The following INTS11 variants were observed in gnomAD, a reference collection of about 807,000 sequenced individuals.
The protein encoded by INTS11 is CPSF3-like protein.
INTS11 carries 77 observed loss-of-function variants against 78.6 expected under a neutral mutation model. The observed-to-expected ratio is 0.98, with a 90% CI of 0.81 to 1.18. The LOEUF is 1.18. Ranked by LOEUF, INTS11 falls within the 50% of genes most tolerant of loss-of-function variation. The pLI is 0.00. For synonymous variants in INTS11, 441 were observed against 326.9 expected, an observed-to-expected ratio of 1.35 and a Z score of -3.77; for missense variants, 875 against 825.9, an observed-to-expected ratio of 1.06 and a Z score of -0.73.
intron 4 of INTS11, chr1:1,317,987 C>T (rs911395481): frequency 6.6e-6 from 1 of 152,100 alleles, no homozygotes; most frequent in Non-Finnish European, 1.5e-5. Context: ...TGCCTTTCAG[C>T]CTCCCGAGTA....
In INTS11 at chr1:1,312,709, CG is replaced by C; in HGVS notation, c.1295-10del. On this transcript the variant is annotated splice_polypyrimidine_tract_variant and intron_variant, in intron 12 of 16. Transcript: ENST00000435064. Reference sequence around the variant, plus strand: ...CATGTAGCAGTTGACCCCTGGACCCCGGGGGAAGAGAGAGCCTCAGCCCAGG... The same window carrying C: ...CATGTAGCAGTTGACCCCTGGACCCCGGGGAAGAGAGAGCCTCAGCCCAGG... 1.3e-6 allele frequency: 2 copies of C among 1,590,434 alleles called. No homozygotes were observed. The highest frequency in any genetic ancestry group is 1.7e-6 in the Non-Finnish European group (2 of 1,165,306).
chr1:1,322,820 G>C (rs1643031964), intron 1 of INTS11: 1 of 957,514 alleles, frequency 1.0e-6, no homozygotes, highest in Non-Finnish European at 1.3e-6. Context: ...GGTCCAGTGA[G>C]CGCGGACACG....
At chr1:1,318,647 C>CA (rs372595666) in intron 4 of INTS11, 53,255 of 311,314 alleles carry the variant, frequency 0.17, 8 homozygotes, top group East Asian at 0.21. Context: ...GAGACACTGT[C>CA]AAAAAAAAAA....
intron 12 of INTS11, 31 bp downstream of exon 12, chr1:1,312,756 T>C (rs1214747782): frequency 1.3e-6 from 2 of 1,597,070 alleles, no homozygotes; most frequent in Admixed American, 3.4e-5. Flanking sequence ...TGACCCGAGG[T>C]GGGCCCCACG....
At chr1:1,313,298 G>C (rs570026046) in intron 10 of INTS11, 174 bp from the exon 11 acceptor site, 2 of 902,314 alleles carry the variant, frequency 2.2e-6, no homozygotes, top group East Asian at 5.3e-5. Context: ...ACTGTCCAGG[G>C]CTGGGCTGGG....
chr1:1,312,754 G>C, intron 12 of INTS11, 33 bp downstream of exon 12: 1 of 1,597,572 alleles, frequency 6.3e-7, no homozygotes, highest in South Asian at 1.1e-5. Flanking sequence ...GCTGACCCGA[G>C]GTGGGCCCCA....
chr1:1,314,378 C>T lies in INTS11; in HGVS notation c.703-13G>A. On this transcript the variant is annotated splice_polypyrimidine_tract_variant and intron_variant, in intron 7 of 16. Transcript: ENST00000435064. This position sits in a 1 kb window ranked among gnomAD's most constrained non-coding sequence, Gnocchi z 4.2. ...CAGGTATCAGCACCTGAGGGGGACA[C>T]AAGGCAGGAGCCCTGGGCACATGGC... 1 of 1,601,252 alleles carries T rather than the reference C, an allele frequency of 6.2e-7. No homozygotes were observed. The highest frequency in any genetic ancestry group is 8.5e-7 in the Non-Finnish European group (1 of 1,174,068).
Position 1,312,437 on chromosome 1 carries a change from C to CA in INTS11, c.1464+2dup, listed in dbSNP as rs1201835447. 3 of 1,567,272 alleles carry CA rather than the reference C, an allele frequency of 1.9e-6. No homozygotes were observed. The African/African-American group carries it at 4.1e-5, about 21-fold the overall frequency. On this transcript the variant is annotated splice_region_variant and intron_variant, in intron 14 of 16. Coordinates refer to ENST00000435064, the MANE Select transcript of INTS11 (RefSeq NM_017871.6). Reference sequence around the variant, plus strand: ...CCCCTCCAGAGACCGTCCTGGCACTCACGCTGTCCTTCATGATCAGGGTGC... The same window carrying CA: ...CCCCTCCAGAGACCGTCCTGGCACTCAACGCTGTCCTTCATGATCAGGGTGC...
chr1:1,321,902 A>T (rs1220956956), intron 1 of INTS11: 4 of 332,520 alleles, frequency 1.2e-5, no homozygotes, highest in Non-Finnish European at 1.9e-5. Flanking sequence ...CTTGAATCCC[A>T]CCCACCTCCC....
chr1:1,317,877 G>C (rs983004675), intron 4 of INTS11: 22 of 147,032 alleles, frequency 1.5e-4, no homozygotes, highest in African/African-American at 4.3e-4. Flanking sequence ...TTTTTTTTTT[G>C]AGCCGGAGTC....
chr1:1,323,189 G>T (rs980410822), intron 1 of INTS11: 1 of 1,550,256 alleles, frequency 6.5e-7, no homozygotes, highest in Admixed American at 2.0e-5. Context: ...ACGCCATGGG[G>T]GAGGACATGG....
rs1642448043 is a variant in INTS11 at position 1,314,432 on chromosome 1, A to T, written c.703-67T>A. 1 of 1,443,542 alleles carries T rather than the reference A, an allele frequency of 6.9e-7. No homozygotes were observed. The highest frequency in any genetic ancestry group is 9.5e-7 in the Non-Finnish European group (1 of 1,056,776). The allele number at this position is 1,443,542 out of a possible 1,614,324, so 89.4% of individuals were successfully genotyped here. A position where few individuals can be genotyped will look rare whatever the true frequency, so the allele number is the denominator to read the frequency against. On this transcript the variant is annotated intron_variant, in intron 7 of 16. Coordinates refer to ENST00000435064, the MANE Select transcript of INTS11 (RefSeq NM_017871.6). This position sits in a 1 kb window ranked among gnomAD's most constrained non-coding sequence, Gnocchi z 4.2. ...TCGACACAGCAGGCAGCGTCCAGTGAGGGCACGGCCAGGTGCCCAAGAGCT... is the reference window on the plus strand; with the variant it reads ...TCGACACAGCAGGCAGCGTCCAGTGTGGGCACGGCCAGGTGCCCAAGAGCT...
At position 1,312,022 on chromosome 1, in the gene INTS11, T is replaced by C. The variant is rs1162455521; in HGVS notation, c.1733A>G (p.Tyr578Cys). The C allele has an allele frequency of 1.3e-6, 2 of 1,579,022 alleles. No homozygotes were observed. The highest frequency in any genetic ancestry group is 8.6e-7 in the Non-Finnish European group (1 of 1,162,446). ...GGGGTGGGGGTCACCCCTTACCTGGTAGGTCCAGGAGACCAGCAGCACCTT... is the reference window on the plus strand; with the variant it reads ...GGGGTGGGGGTCACCCCTTACCTGGCAGGTCCAGGAGACCAGCAGCACCTT... ...GTKVLLVSWTYQDEELGSFLT... is the reference protein window; with the variant it reads ...GTKVLLVSWTCQDEELGSFLT... Residue 578 changes from tyrosine (Y) to cysteine (C), a missense_variant, in exon 16 of 17, where the codon TAC becomes TGC. Coordinates refer to ENST00000435064, the MANE Select transcript of INTS11 (RefSeq NM_017871.6).
Position 1,315,453 on chromosome 1 carries a change from A to G in INTS11, c.529-15T>C. 1 of 1,613,108 alleles carries G rather than the reference A, an allele frequency of 6.2e-7. No individual in the cohort carries two copies. Among genetic ancestry groups the G allele is most frequent in the Non-Finnish European group, 8.5e-7 (1 of 1,179,880 alleles). On this transcript the variant is annotated splice_polypyrimidine_tract_variant and intron_variant, in intron 5 of 16. Transcript: ENST00000435064. ...TTATAATCACCCTGGTGAACGATCAAGGATGCCATGAGGAGGGTGCCTCCC... is the reference window on the plus strand; with the variant it reads ...TTATAATCACCCTGGTGAACGATCAGGGATGCCATGAGGAGGGTGCCTCCC...
rs761037765 is a variant in INTS11 at position 1,321,099 on chromosome 1, C to T, written c.29-6G>A. 5.0e-6 allele frequency: 8 copies of T among 1,606,376 alleles called. No homozygotes were observed. The highest frequency in any genetic ancestry group is 3.3e-4 in the Middle Eastern group (2 of 6,036). The stretch of plus-strand genomic sequence containing the variant: ...GCCCACGTCCTGGCCGGCCCCTACT[C>T]GAGGGAGGGCAGATGAGTCACTGCT... On this transcript the variant is annotated splice_polypyrimidine_tract_variant and splice_region_variant and intron_variant, in intron 1 of 16. Transcript: ENST00000435064.
At chr1:1,320,962 C>T (rs1642911029) in intron 2 of INTS11, 34 bp downstream of exon 2, 14 of 1,589,510 alleles carry the variant, frequency 8.8e-6, no homozygotes, top group Non-Finnish European at 1.1e-5. Flanking sequence ...GGCCGGCTCT[C>T]CCAGCCTCTG....
chr1:1,312,708 C>A lies in INTS11; in HGVS notation c.1295-8G>T, dbSNP rs111656656. ...GCATGTAGCAGTTGACCCCTGGACCCCGGGGGAAGAGAGAGCCTCAGCCCA... is the reference window on the plus strand; with the variant it reads ...GCATGTAGCAGTTGACCCCTGGACCACGGGGGAAGAGAGAGCCTCAGCCCA... On this transcript the variant is annotated splice_polypyrimidine_tract_variant and splice_region_variant and intron_variant, in intron 12 of 16. Coordinates refer to ENST00000435064, the MANE Select transcript of INTS11 (RefSeq NM_017871.6). The A allele has an allele frequency of 3.1e-6, 5 of 1,590,768 alleles. No individual in the cohort carries two copies. Among genetic ancestry groups the A allele is most frequent in the Admixed American group, 1.7e-5 (1 of 58,602 alleles).
At chr1:1,322,690 CA>C (rs1643021454) in intron 1 of INTS11, 1 of 61,176 alleles carries the variant, frequency 1.6e-5, no homozygotes, top group Admixed American at 1.9e-4. Flanking sequence ...GAGGGACGGG[CA>C]GGGTGGGTGG....
Position 1,311,886 on chromosome 1 carries a change from C to T in INTS11, c.1776G>A (p.Lys592=), listed in dbSNP as rs773415550. ...AGCTGGGGGCCTGGGGGAGGCCCTT[C>T]TTCAGCAGAGATGTGAGGAAGCTCC... ...ELGSFLTSLL[K]KGLPQAPS Residue 592 remains lysine (K), a synonymous_variant, in exon 17 of 17, where the codon AAG becomes AAA. Transcript: ENST00000435064. 1.1e-5 allele frequency: 18 copies of T among 1,569,012 alleles called. No individual in the cohort carries two copies. The Admixed American group carries it at 2.5e-4, about 22-fold the overall frequency.
Sources: allele counts gnomAD v4.1 joint callset, GRCh38; gene constraint gnomAD v4.1.1; non-coding constraint Gnocchi (gnomAD v3.1); transcripts MANE v1.5; gene names NCBI Gene and HGNC (gene_info 2026-07-23, HGNC 2026-07-21).